Variants in ADCY9 observed in about 807,000 individuals in gnomAD.
ADCY9 encodes the protein adenylate cyclase 9.
ADCY9 carries 50 observed loss-of-function variants against 101.5 expected under a neutral mutation model. That is an observed-to-expected ratio of 0.49 (90% CI 0.39 to 0.62). The LOEUF (loss-of-function observed/expected upper bound fraction) is 0.62, where lower values mean the gene tolerates loss of function less well. Among genes scored for constraint, ADCY9 ranks in the 20% least tolerant of loss-of-function variants. The pLI is 0.00. For missense variants in ADCY9, 1,662 were observed against 1,800.4 expected (o/e 0.92, Z 1.39); for synonymous variants, 905 against 769.3 (o/e 1.18, Z -2.92).
At chr16:4,099,411 T>G (rs556686256) in intron 2 of ADCY9, among the ~76,000 whole-genome samples, 1 of 152,222 alleles carries the variant, frequency 6.6e-6, no homozygotes, top group Non-Finnish European at 1.5e-5. Flanking sequence ...TATTTCCTCA[T>G]AGAAACATGC....
chr16:4,095,755 T>C (rs777960702), intron 2 of ADCY9, among the ~76,000 whole-genome samples: 7 of 152,062 alleles, frequency 4.6e-5, no homozygotes, highest in East Asian at 1.9e-4. Context: ...GGCAGCTGGA[T>C]TGCTTGAGCT....
intron 2 of ADCY9, among the ~76,000 whole-genome samples, chr16:4,073,055 T>C (rs1014944506): frequency 9.4e-5 from 14 of 148,974 alleles, no homozygotes; most frequent in African/African-American, 3.5e-4. Flanking sequence ...CTCTTAAAAA[T>C]GAGTGTCTCT....
At chr16:3,959,983 G>C (rs1037078283), downstream of ADCY9, among the ~76,000 whole-genome samples, 1 of 152,000 alleles carries the variant, frequency 6.6e-6, no homozygotes, top group Non-Finnish European at 1.5e-5. Context: ...CTGAGATCGT[G>C]CCACTGCACT....
chr16:4,069,548 G>C (rs554067685), intron 2 of ADCY9, among the ~76,000 whole-genome samples: 12 of 151,958 alleles, frequency 7.9e-5, no homozygotes, highest in African/African-American at 2.9e-4. Flanking sequence ...TGAATAAATG[G>C]AATATATTCT....
chr16:4,053,021 T>G lies in ADCY9; in HGVS notation c.1694-45463A>C, dbSNP rs78312463. ...TTCTCCTTAAGAGACAAACTGATTT[T>G]TTAATCACTGAGAGCCTATTACATG... On this transcript the variant is annotated intron_variant, in intron 2 of 10. Transcript: ENST00000294016. Among the ~76,000 whole-genome samples, 1,358 of 152,358 alleles carry G rather than the reference T, an allele frequency of 8.9e-3. 16 individuals are homozygous for G. Among genetic ancestry groups the G allele is most frequent in the African/African-American group, 0.03 (1,267 of 41,570 alleles).
chr16:4,027,916 G>A (rs2056528887), intron 2 of ADCY9, among the ~76,000 whole-genome samples: 6 of 151,596 alleles, frequency 4.0e-5, no homozygotes. Flanking sequence ...CAGATCTCGT[G>A]AGACTTATTC....
intron 2 of ADCY9, among the ~76,000 whole-genome samples, chr16:4,106,348 C>T (rs1175585525): frequency 3.3e-5 from 5 of 152,168 alleles, no homozygotes; most frequent in South Asian, 2.1e-4. Context: ...GCCCACACCA[C>T]GGATGGCGGC....
intron 2 of ADCY9, among the ~76,000 whole-genome samples, chr16:4,080,242 T>G (rs889247389): frequency 2.0e-5 from 3 of 152,090 alleles, no homozygotes; most frequent in African/African-American, 4.8e-5. Flanking sequence ...GAGGTAATTT[T>G]TCTTTTCTTT....
rs539410966 is a variant in ADCY9, at chr16:4,105,360, C to T, written c.1693+8390G>A. On this transcript the variant is annotated intron_variant, in intron 2 of 10. Transcript: ENST00000294016. ...CATAAGCCTGGGAAACATAGGGAGA[C>T]GTCATCTCTACAAATAATTTTTAAA... 5.6e-4 allele frequency among the ~76,000 whole-genome samples: 85 copies of T among 152,010 alleles called. 1 individual carries two copies. Among genetic ancestry groups the T allele is most frequent in the South Asian group, 5.4e-3 (26 of 4,818 alleles).
intron 2 of ADCY9, among the ~76,000 whole-genome samples, chr16:4,056,558 T>C (rs549213408): frequency 7.0e-4 from 107 of 152,160 alleles, no homozygotes; most frequent in Non-Finnish European, 1.1e-3. Context: ...CCAGCCAAAG[T>C]AAATTTAAAA....
intron 2 of ADCY9, among the ~76,000 whole-genome samples, chr16:4,051,446 C>T (rs2056701000): frequency 6.6e-6 from 1 of 151,628 alleles, no homozygotes; most frequent in African/African-American, 2.4e-5. Flanking sequence ...ATGGCGTGAA[C>T]CCGGGAGGCG....
In ADCY9 at chr16:4,055,043, G is replaced by T. The variant is rs543207455; in HGVS notation, c.1694-47485C>A. Among the ~76,000 whole-genome samples the T allele has an allele frequency of 2.4e-3, 363 of 152,220 alleles. 1 individual carries two copies. Among genetic ancestry groups the T allele is most frequent in the Non-Finnish European group, 3.3e-3 (224 of 68,016 alleles). ...CACTCACACCTCAAAAACTCTGGAA[G>T]GTCAGAAAGAGGCAGAGAGCAGGGC... On this transcript the variant is annotated intron_variant, in intron 2 of 10. Transcript: ENST00000294016.
At chr16:4,025,460 C>G (rs1238881576) in intron 2 of ADCY9, among the ~76,000 whole-genome samples, 1 of 152,064 alleles carries the variant, frequency 6.6e-6, no homozygotes, top group South Asian at 2.1e-4. Flanking sequence ...GGTTTGGCCA[C>G]TGGCCACGCA....
chr16:3,981,986 G>C (rs991970018), intron 7 of ADCY9: 1 of 152,336 alleles, frequency 6.6e-6, no homozygotes, highest in Admixed American at 6.5e-5. Context: ...AGTGGACCCT[G>C]AAAGGGTTTG....
At chr16:4,064,214 C>T (rs986653691) in intron 2 of ADCY9, among the ~76,000 whole-genome samples, 4 of 152,014 alleles carry the variant, frequency 2.6e-5, no homozygotes, top group African/African-American at 4.8e-5. Context: ...GTTAAAATTA[C>T]AAAACTTTGT....
chr16:4,058,635 C>A (rs1026896858), intron 2 of ADCY9, among the ~76,000 whole-genome samples: 1 of 152,088 alleles, frequency 6.6e-6, no homozygotes, highest in Non-Finnish European at 1.5e-5. Flanking sequence ...CCACTACTTT[C>A]CTGGAGAACC....
chr16:4,020,526 T>G (rs188529302), intron 2 of ADCY9, among the ~76,000 whole-genome samples: 1 of 152,184 alleles, frequency 6.6e-6, no homozygotes, highest in Admixed American at 6.5e-5. Flanking sequence ...GATAGCCAAT[T>G]ACAAAGTGGA....
chr16:4,016,725 C>T (rs2141732142), intron 2 of ADCY9, among the ~76,000 whole-genome samples: 1 of 152,204 alleles, frequency 6.6e-6, no homozygotes, highest in East Asian at 1.9e-4. Flanking sequence ...GAAGCCAGTC[C>T]CAAAAGGCCA....
chr16:3,988,501 GGGGGTTCCCTTCCAGGGCAGGTGTC>G, intron 6 of ADCY9, among the ~76,000 whole-genome samples: 2 of 141,990 alleles, frequency 1.4e-5, no homozygotes, highest in African/African-American at 2.6e-5. Context: ...GGCAGGTGTG[GGGGGTTCCCTTCCAGGGCAGGTGTC>G]GGGGTTCCTT....
Sources: gnomAD v4.1 joint callset for allele counts (sites outside exome capture counted in the v4.1 genomes callset) on GRCh38, gnomAD v4.1.1 for gene constraint, MANE v1.5 for transcripts, NCBI Gene and HGNC (gene_info 2026-07-23, HGNC 2026-07-21) for gene names.